Variants in SGCZ observed in about 807,000 individuals in gnomAD.
The protein encoded by SGCZ is zeta-sarcoglycan.
A neutral mutation model predicts 41.3 loss-of-function variants in SGCZ; 40 were observed. The ratio of observed to expected loss-of-function variants is 0.97; its 90% CI spans 0.75 to 1.26. The LOEUF (loss-of-function observed/expected upper bound fraction) is 1.26, where lower values mean the gene tolerates loss of function less well. Among genes scored for constraint, SGCZ ranks in the 50% most tolerant of loss-of-function variants. The pLI is 0.00. For missense variants in SGCZ, 552 were observed against 369.8 expected (o/e 1.49, Z -4.04); for synonymous variants, 206 against 137.5 (o/e 1.50, Z -3.49).
chr8:14,295,044 T>G (rs1800964616), intron 3 of SGCZ, among the ~76,000 whole-genome samples: 1 of 152,118 alleles, frequency 6.6e-6, no homozygotes, highest in Admixed American at 6.6e-5. Flanking sequence ...ATTAACCACC[T>G]CCTATGTGAC....
intron 2 of SGCZ, among the ~76,000 whole-genome samples, chr8:14,492,810 A>AT (rs35688838): frequency 0.034 from 5,109 of 152,104 alleles, 274 homozygotes; most frequent in African/African-American, 0.12. Flanking sequence ...TGTTCCTATG[A>AT]TTTTTTTCCA....
chr8:15,018,569 C>A (rs961154165), intron 1 of SGCZ, among the ~76,000 whole-genome samples: 35 of 152,056 alleles, frequency 2.3e-4, no homozygotes, highest in African/African-American at 8.0e-4. Context: ...CAAAGGCCCC[C>A]AACTCAAGAA....
intron 1 of SGCZ, among the ~76,000 whole-genome samples, chr8:15,217,970 C>T (rs969313170): frequency 1.3e-5 from 2 of 152,094 alleles, no homozygotes; most frequent in African/African-American, 4.8e-5. Flanking sequence ...CTTGTAATCC[C>T]AGCTGCTGGG....
At chr8:14,865,922 G>A (rs1481831120) in intron 1 of SGCZ, among the ~76,000 whole-genome samples, 1 of 152,060 alleles carries the variant, frequency 6.6e-6, no homozygotes, top group South Asian at 2.1e-4. Context: ...ACACCTTGGG[G>A]ACCCCTTGTC....
intron 1 of SGCZ, among the ~76,000 whole-genome samples, chr8:14,972,382 A>C (rs1466232345): frequency 6.6e-6 from 1 of 151,896 alleles, no homozygotes; most frequent in East Asian, 1.9e-4. Flanking sequence ...TTTTACTGTT[A>C]ACTTAGTTGT....
At chr8:14,363,008 G>T (rs891692391) in intron 2 of SGCZ, among the ~76,000 whole-genome samples, 2 of 151,996 alleles carry the variant, frequency 1.3e-5, no homozygotes, top group African/African-American at 4.8e-5. Flanking sequence ...TTCTTACGTT[G>T]CTCAATATGT....
At chr8:14,865,456 C>T (rs529113566) in intron 1 of SGCZ, among the ~76,000 whole-genome samples, 2 of 150,046 alleles carry the variant, frequency 1.3e-5, no homozygotes, top group East Asian at 3.9e-4. Context: ...CACAATCAAC[C>T]CCTGTGAATG....
intron 1 of SGCZ, among the ~76,000 whole-genome samples, chr8:15,088,412 T>G (rs1806028059): frequency 6.6e-6 from 1 of 152,158 alleles, no homozygotes; most frequent in Non-Finnish European, 1.5e-5. Flanking sequence ...ATTAACATAT[T>G]TTTCTGTAAC....
At chr8:14,964,546 G>C (rs775569654) in intron 1 of SGCZ, among the ~76,000 whole-genome samples, 3 of 152,192 alleles carry the variant, frequency 2.0e-5, no homozygotes, top group Non-Finnish European at 4.4e-5. Context: ...CCACTTGCTG[G>C]AGAGGACAGA....
At chr8:15,188,537 T>C (rs749338708) in intron 1 of SGCZ, among the ~76,000 whole-genome samples, 3 of 152,158 alleles carry the variant, frequency 2.0e-5, no homozygotes, top group African/African-American at 4.8e-5. Flanking sequence ...TTTTCACTCA[T>C]TGACATGATT....
At chr8:14,833,704 A>G (rs1802605006) in intron 1 of SGCZ, among the ~76,000 whole-genome samples, 1 of 152,196 alleles carries the variant, frequency 6.6e-6, no homozygotes, top group Admixed American at 6.5e-5. Flanking sequence ...TTTTTCTGCT[A>G]TAGGAAGAAG....
At chr8:14,466,196 T>C (rs1055315005) in intron 2 of SGCZ, among the ~76,000 whole-genome samples, 1 of 151,982 alleles carries the variant, frequency 6.6e-6, no homozygotes, top group African/African-American at 2.4e-5. Flanking sequence ...TATCCGAGAA[T>C]GTCTTAATTT....
intron 1 of SGCZ, among the ~76,000 whole-genome samples, chr8:14,693,989 G>T (rs1429867167): frequency 6.6e-6 from 1 of 152,136 alleles, no homozygotes; most frequent in Non-Finnish European, 1.5e-5. Context: ...CACATTTGGA[G>T]GTAATTACAA....
intron 1 of SGCZ, among the ~76,000 whole-genome samples, chr8:15,046,035 T>G (rs1015849074): frequency 2.6e-5 from 4 of 152,134 alleles, no homozygotes; most frequent in Non-Finnish European, 5.9e-5. Context: ...TAGATTTCAT[T>G]CTATTACATT....
intron 2 of SGCZ, among the ~76,000 whole-genome samples, chr8:14,344,371 G>T (rs945584751): frequency 6.6e-6 from 1 of 151,904 alleles, no homozygotes. Flanking sequence ...ATACAGTGTG[G>T]TAAGGCTAAT....
chr8:14,904,603 G>C (rs1799070391), intron 1 of SGCZ, among the ~76,000 whole-genome samples: 1 of 151,892 alleles, frequency 6.6e-6, no homozygotes. Flanking sequence ...TTAAATTCAT[G>C]ATGAGCTCTT....
chr8:14,100,584 AATATAT>A (rs1291708910), intron 7 of SGCZ, among the ~76,000 whole-genome samples: 4 of 93,992 alleles, frequency 4.3e-5, no homozygotes, highest in Admixed American at 3.8e-4. Flanking sequence ...ATTTTCAAAT[AATATAT>A]TATATTTTAT....
chr8:14,818,042 C>CAG (rs1424593796), intron 1 of SGCZ, among the ~76,000 whole-genome samples: 1 of 152,170 alleles, frequency 6.6e-6, no homozygotes, highest in Admixed American at 6.5e-5. Flanking sequence ...ACTCTCTGGA[C>CAG]AGAGTGCCAT....
intron 7 of SGCZ, among the ~76,000 whole-genome samples, chr8:14,098,304 T>G (rs1008637686): frequency 1.6e-4 from 24 of 152,188 alleles, no homozygotes; most frequent in Admixed American, 2.6e-4. Context: ...TTCTATTTTT[T>G]TAAGATTTGT....
Sources: gnomAD v4.1 joint callset for allele counts (sites outside exome capture counted in the v4.1 genomes callset) on GRCh38, gnomAD v4.1.1 for gene constraint, MANE v1.5 for transcripts, NCBI Gene and HGNC (gene_info 2026-07-23, HGNC 2026-07-21) for gene names.